The following CTBP2 variants were observed in gnomAD, a reference collection of about 807,000 sequenced individuals.
The protein encoded by CTBP2 is C-terminal binding protein 2.
CTBP2 carries 30 observed loss-of-function variants against 80.3 expected under a neutral mutation model. The ratio of observed to expected loss-of-function variants is 0.37; its 90% CI spans 0.28 to 0.51. CTBP2 has a LOEUF of 0.51. CTBP2 is among the 20% of genes least tolerant of loss of function. CTBP2 has a pLI of 0.93. For missense variants in CTBP2, 1,212 were observed against 1,375.3 expected (o/e 0.88, Z 1.88); for synonymous variants, 594 against 587.4 (o/e 1.01, Z -0.16).
chr10:125,106,054 G>T lies in CTBP2; in HGVS notation c.-102+4936C>A, dbSNP rs114726057. Among the ~76,000 whole-genome samples, 679 of 152,336 alleles carry T rather than the reference G, an allele frequency of 4.5e-3. 8 individuals are homozygous for T. Among genetic ancestry groups the T allele is most frequent in the African/African-American group, 0.016 (651 of 41,582 alleles). On this transcript the variant is annotated intron_variant, in intron 2 of 10. Coordinates refer to the CTBP2 transcript ENST00000337195. ...AAATCAGCCGCTGACCCGTGTCTCTGGCTGTCCCACACAACAGGGCTGCCA... is the reference window on the plus strand; with the variant it reads ...AAATCAGCCGCTGACCCGTGTCTCTTGCTGTCCCACACAACAGGGCTGCCA...
At chr10:124,992,886 G>A in intron 7 of CTBP2, 74 bp from the exon 10 acceptor site, 2 of 1,143,720 alleles carry the variant, frequency 1.7e-6, no homozygotes, top group Non-Finnish European at 2.5e-6. Flanking sequence ...ACCTGTAGCT[G>A]CTTATGTGGG....
chr10:124,995,683 T>C (rs1002104979), intron 4 of CTBP2, among the ~76,000 whole-genome samples: 2 of 152,172 alleles, frequency 1.3e-5, no homozygotes, highest in African/African-American at 4.8e-5. Context: ...GCCAGTCTGA[T>C]CAGGGACAGC....
rs1185485086 is a variant in CTBP2 at position 125,066,376 on chromosome 10, G to A, written c.-101-27221C>T. On this transcript the variant is annotated intron_variant, in intron 2 of 10. Coordinates refer to the CTBP2 transcript ENST00000337195. This position sits in a 1 kb window ranked among gnomAD's most constrained non-coding sequence, Gnocchi z 4.1. The stretch of plus-strand genomic sequence containing the variant: ...GGAAAACATCAAGTCAGAACGTCCC[G>A]TGCCTTCTAAGCAGTCAGGTGCATG... Among the ~76,000 whole-genome samples, 1 of 152,150 alleles carries A rather than the reference G, an allele frequency of 6.6e-6. No individual in the cohort carries two copies. The highest frequency in any genetic ancestry group is 1.5e-5 in the Non-Finnish European group (1 of 68,036).
At chr10:125,114,318 TA>T (rs1263558843) in intron 1 of CTBP2, among the ~76,000 whole-genome samples, 3 of 152,022 alleles carry the variant, frequency 2.0e-5, no homozygotes, top group Non-Finnish European at 2.9e-5. Flanking sequence ...GTGAACTTAT[TA>T]AACATCCCGC....
rs756887482 is a variant in CTBP2, at chr10:124,989,615, G to A, written c.2861C>T (p.Thr954Ile). The A allele has an allele frequency of 6.2e-7, 1 of 1,612,666 alleles. No individual in the cohort carries two copies. ...ATGTGCCACTGTCGGGAGGTTGTGA[G>A]TCACTGGGATGCCTCCAGGGATGAT... The change falls in exon 9 of 9, where the codon ACT (threonine) becomes ATT (isoleucine). Residue 954 changes from threonine to isoleucine, a missense_variant. Thr to Ile is a moderately conservative substitution (Grantham distance 89). Transcript: ENST00000309035.
intron 1 of CTBP2, among the ~76,000 whole-genome samples, chr10:125,015,931 A>C (rs1472204816): frequency 1.3e-5 from 2 of 152,206 alleles, no homozygotes; most frequent in Non-Finnish European, 2.9e-5. Context: ...GAGATTCTGC[A>C]GGAATCTAAA....
intron 7 of CTBP2, among the ~76,000 whole-genome samples, 161 bp downstream of exon 9, chr10:124,993,041 A>T (rs1331884876): frequency 6.6e-6 from 1 of 152,214 alleles, no homozygotes; most frequent in Non-Finnish European, 1.5e-5. Context: ...TGTGAAGTTT[A>T]GTTCAGGGCT....
At chr10:125,005,379 CCAAAGGCACACGTG>C (rs1164452376) in intron 1 of CTBP2, among the ~76,000 whole-genome samples, 2 of 152,178 alleles carry the variant, frequency 1.3e-5, no homozygotes, top group Non-Finnish European at 2.9e-5. Flanking sequence ...CGCTCAGACA[CCAAAGGCACACGTG>C]CACCCAGTCA....
upstream of CTBP2, among the ~76,000 whole-genome samples, chr10:125,028,897 G>A (rs534798911): frequency 2.0e-5 from 3 of 152,296 alleles, no homozygotes; most frequent in South Asian, 6.2e-4. Context: ...GCGCAATAAT[G>A]CAAAGAACAG....
intron 2 of CTBP2, among the ~76,000 whole-genome samples, chr10:125,064,271 T>A (rs1456474901): frequency 2.0e-5 from 3 of 152,222 alleles, no homozygotes; most frequent in Non-Finnish European, 2.9e-5. Context: ...CCCCTGTCCA[T>A]TAGACAACAA....
intron 4 of CTBP2, chr10:124,997,355 CCTCGA>C: frequency 1.3e-5 from 2 of 155,400 alleles, no homozygotes; most frequent in Admixed American, 6.2e-5. Context: ...GTGGGGACCT[CCTCGA>C]GCCCCCATGG....
chr10:125,077,178 G>A (rs550237261), intron 2 of CTBP2, among the ~76,000 whole-genome samples: 3 of 152,288 alleles, frequency 2.0e-5, no homozygotes, highest in African/African-American at 7.2e-5. Flanking sequence ...GTCAGGCACC[G>A]CTACCACCAA....
chr10:125,026,293 C>T lies in CTBP2; in HGVS notation c.1467G>A (p.Glu489=), dbSNP rs773167945. Reference sequence around the variant, plus strand: ...CCACGTTGCGCTCCCTCTTTAGCAGCTCCATGGGCACCGTGTATGCCGTGG... The same window carrying T: ...CCACGTTGCGCTCCCTCTTTAGCAGTTCCATGGGCACCGTGTATGCCGTGG... The change falls in exon 1 of 9, where the codon GAG becomes GAA. Residue 489 remains glutamate (E), a synonymous_variant. Transcript: ENST00000309035. 6.2e-7 allele frequency: 1 copy of T among 1,613,966 alleles called. No homozygotes were observed. Among genetic ancestry groups the T allele is most frequent in the Non-Finnish European group, 8.5e-7 (1 of 1,179,964 alleles).
chr10:125,028,021 A>G lies in CTBP2; in HGVS notation c.-262T>C, dbSNP rs144574596. 2.6e-4 allele frequency: 246 copies of G among 944,832 alleles called. 1 individual carries two copies. The highest frequency in any genetic ancestry group is 1.7e-3 in the South Asian group (63 of 37,372). The allele number at this position is 944,832 out of a possible 1,614,324, so 58.5% of individuals were successfully genotyped here. A position where few individuals can be genotyped will look rare whatever the true frequency, so the allele number is the denominator to read the frequency against. On this transcript the variant is annotated 5_prime_UTR_variant, in exon 1 of 9. Coordinates refer to ENST00000309035, the MANE Select transcript of CTBP2 (RefSeq NM_022802.3). ...TCTGTTCCTTACAGCTCAGTCCCGG[A>G]GAGGAGGCTGTCCCCAGCCTGCCAG...
chr10:125,039,182 C>A, intron 2 of CTBP2, 27 bp from the exon 3 acceptor site: 1 of 772,788 alleles, frequency 1.3e-6, no homozygotes, highest in Non-Finnish European at 2.1e-6. Context: ...AGAATCCTTA[C>A]TCTCTGGAGA....
At chr10:125,124,348 T>C (rs1032280177) in intron 1 of CTBP2, among the ~76,000 whole-genome samples, 1 of 152,174 alleles carries the variant, frequency 6.6e-6, no homozygotes, top group African/African-American at 2.4e-5. Context: ...TCCCCGCTGG[T>C]TCAAAGAATC....
chr10:124,994,053 AAAG>A (rs1953106755), intron 5 of CTBP2, 68 bp from the exon 8 acceptor site: 13 of 1,587,364 alleles, frequency 8.2e-6, no homozygotes, highest in African/African-American at 2.7e-5. Flanking sequence ...ACCAAGGTTT[AAAG>A]AAGAAAGCTG....
chr10:124,996,044 C>CTCTGTTTT (rs1953466637), intron 4 of CTBP2: 1 of 75,636 alleles, frequency 1.3e-5, no homozygotes, highest in African/African-American at 6.7e-5. Flanking sequence ...ACGGCTATTT[C>CTCTGTTTT]TTTGTTTTTT....
At chr10:125,140,434 C>A (rs1220127592) in intron 1 of CTBP2, among the ~76,000 whole-genome samples, 1 of 152,104 alleles carries the variant, frequency 6.6e-6, no homozygotes, top group Non-Finnish European at 1.5e-5. Flanking sequence ...AAGGACATTT[C>A]GGGCAACGAC....
Sources: gnomAD v4.1 joint callset for allele counts (sites outside exome capture counted in the v4.1 genomes callset) on GRCh38, gnomAD v4.1.1 for gene constraint, Gnocchi (gnomAD v3.1) non-coding constraint, MANE v1.5 for transcripts, NCBI Gene and HGNC (gene_info 2026-07-23, HGNC 2026-07-21) for gene names.